WDR70: variants seen among roughly 807,000 people sequenced by gnomAD.
WDR70 encodes WD repeat-containing protein 70.
A neutral mutation model predicts 88.6 loss-of-function variants in WDR70; 53 were observed. The observed-to-expected ratio is 0.60, with a 90% confidence interval of 0.48 to 0.75. The LOEUF is 0.75. WDR70 is among the 30% of genes least tolerant of loss of function. The pLI, the probability that WDR70 is intolerant of heterozygous loss-of-function variation, is 0.00. For missense variants in WDR70, 610 were observed against 823.2 expected (o/e 0.74, Z 3.17); for synonymous variants, 280 against 270.0 (o/e 1.04, Z -0.36).
intron 8 of WDR70, among the ~76,000 whole-genome samples, chr5:37,511,594 T>C (rs2112244264): frequency 6.6e-6 from 1 of 152,332 alleles, no homozygotes; most frequent in East Asian, 1.9e-4. Flanking sequence ...TGCTGGAATA[T>C]ATTACTTCTA....
intron 5 of WDR70, among the ~76,000 whole-genome samples, chr5:37,408,540 C>A (rs543455924): frequency 3.1e-4 from 47 of 152,182 alleles, no homozygotes; most frequent in African/African-American, 1.1e-3. Flanking sequence ...AACTTTGTAT[C>A]TTTGTTTAAC....
At chr5:37,432,260 G>A (rs1012236450) in intron 5 of WDR70, among the ~76,000 whole-genome samples, 2 of 151,396 alleles carry the variant, frequency 1.3e-5, no homozygotes, top group African/African-American at 4.9e-5. Flanking sequence ...TGATCCTAGT[G>A]TGAAGTGATA....
chr5:37,483,925 G>A (rs1739764712), intron 8 of WDR70, among the ~76,000 whole-genome samples: 2 of 151,666 alleles, frequency 1.3e-5, no homozygotes, highest in Non-Finnish European at 1.5e-5. Context: ...CGGGGTCGCG[G>A]CCGGGCAGAG....
At chr5:37,748,828 C>T (rs189322485) in intron 17 of WDR70, among the ~76,000 whole-genome samples, 99 of 152,262 alleles carry the variant, frequency 6.5e-4, no homozygotes, top group Non-Finnish European at 1.0e-3. Flanking sequence ...AAAAAGAAGT[C>T]GTTTATGCGG....
chr5:37,694,098 T>G (rs966425961), intron 10 of WDR70, among the ~76,000 whole-genome samples: 2 of 152,138 alleles, frequency 1.3e-5, no homozygotes, highest in African/African-American at 4.8e-5. Context: ...CATGAAAAAA[T>G]GCTCATCGTC....
chr5:37,617,143 G>A (rs187614442), intron 10 of WDR70, among the ~76,000 whole-genome samples: 84 of 152,220 alleles, frequency 5.5e-4, no homozygotes, highest in Non-Finnish European at 1.1e-3. Context: ...TGTGAATTAA[G>A]TACTACCATT....
chr5:37,424,987 T>C (rs1750077462), intron 5 of WDR70, among the ~76,000 whole-genome samples: 1 of 152,208 alleles, frequency 6.6e-6, no homozygotes, highest in African/African-American at 2.4e-5. Flanking sequence ...CTCACGCCTG[T>C]AATCCCAGCA....
chr5:37,389,434 G>A (rs1748741156), intron 3 of WDR70, among the ~76,000 whole-genome samples: 3 of 150,734 alleles, frequency 2.0e-5, no homozygotes, highest in Non-Finnish European at 3.0e-5. Context: ...TTTTTGAGAC[G>A]GAGTCTTGCT....
chr5:37,435,839 G>A (rs1251823799), intron 5 of WDR70, among the ~76,000 whole-genome samples: 1 of 152,010 alleles, frequency 6.6e-6, no homozygotes, highest in Non-Finnish European at 1.5e-5. Flanking sequence ...TAGACAGTGG[G>A]CCATTTATTC....
chr5:37,461,324 T>A (rs1171014480), intron 7 of WDR70, among the ~76,000 whole-genome samples: 1 of 152,092 alleles, frequency 6.6e-6, no homozygotes, highest in Non-Finnish European at 1.5e-5. Flanking sequence ...GCTGAAAAGA[T>A]TCTTCTTGTA....
At chr5:37,722,146 T>G (rs1747839849) in intron 14 of WDR70, 1 of 152,216 alleles carries the variant, frequency 6.6e-6, no homozygotes, top group Non-Finnish European at 1.5e-5. Flanking sequence ...TTTTATTTGT[T>G]TTTTAAAAAA....
rs374431593 is a variant in WDR70 at position 37,379,605 on chromosome 5, G to C, written c.91+51G>C. The C allele has an allele frequency of 7.3e-5, 116 of 1,597,126 alleles. No individual in the cohort carries two copies. The African/African-American group carries it at 1.4e-3, about 20-fold the overall frequency. On this transcript the variant is annotated intron_variant, in intron 2 of 17. Transcript: ENST00000265107. ...CCTCTTCCTTGTGCAGAGGTTTGAA[G>C]ATCCGCAGAGTGGGAGTGGAGATCG... is the stretch of plus-strand genomic sequence containing the variant.
intron 9 of WDR70, among the ~76,000 whole-genome samples, chr5:37,599,761 C>T (rs762447339): frequency 3.9e-5 from 6 of 151,976 alleles, no homozygotes; most frequent in East Asian, 1.9e-4. Context: ...GGCGTGGTGG[C>T]GCGTGCCTGT....
rs936587589 is a variant in WDR70, at chr5:37,736,833, A to G, written c.1877+9788A>G. On this transcript the variant is annotated intron_variant, in intron 17 of 17. Coordinates refer to ENST00000265107, the MANE Select transcript of WDR70 (RefSeq NM_018034.4). ...ATTATTCTGTAATAGTACAAAAGTA[A>G]TTATGAAAACAAGCAACAAATTATT... Among the ~76,000 whole-genome samples the G allele has an allele frequency of 5.3e-5, 8 of 152,054 alleles. No homozygotes were observed. In the East Asian group the frequency reaches 1.2e-3, roughly 22 times the overall value.
intron 12 of WDR70, 54 bp downstream of exon 12, chr5:37,701,196 C>G (rs1747152235): frequency 1.7e-6 from 2 of 1,149,328 alleles, no homozygotes; most frequent in East Asian, 2.4e-5. Flanking sequence ...AAAAGAAGTA[C>G]TTTTACTTTA....
chr5:37,616,865 GC>G lies in WDR70; in HGVS notation c.1092+11628del, dbSNP rs924644446. On this transcript the variant is annotated intron_variant, in intron 10 of 17. Transcript: ENST00000265107. ...TCTTAAATGGGTTTGGTTTTCAATT[GC>G]TTTATTGTTGTTTTTAAATTTTAAA... is the stretch of plus-strand genomic sequence containing the variant. Among the ~76,000 whole-genome samples, 8 of 152,168 alleles carry G rather than the reference GC, an allele frequency of 5.3e-5. 1 individual carries two copies. Among genetic ancestry groups the G allele is most frequent in the Admixed American group, 4.6e-4 (7 of 15,288 alleles).
intron 8 of WDR70, among the ~76,000 whole-genome samples, chr5:37,489,005 T>C (rs1166199008): frequency 6.6e-6 from 1 of 152,224 alleles, no homozygotes; most frequent in Non-Finnish European, 1.5e-5. Flanking sequence ...CGCTTCAGCA[T>C]TGATTCTGGA....
intron 8 of WDR70, among the ~76,000 whole-genome samples, chr5:37,509,755 A>G (rs1426082267): frequency 1.3e-5 from 2 of 150,502 alleles, no homozygotes; most frequent in Non-Finnish European, 3.0e-5. Context: ...TCGTTTTTCA[A>G]CAGGCTTTTC....
At chr5:37,567,937 C>T (rs1053162096) in intron 9 of WDR70, among the ~76,000 whole-genome samples, 1 of 152,128 alleles carries the variant, frequency 6.6e-6, no homozygotes, top group African/African-American at 2.4e-5. Flanking sequence ...AGTAATATCA[C>T]TTGGATTTGA....
Sources: gnomAD v4.1 joint callset for allele counts (sites outside exome capture counted in the v4.1 genomes callset) on GRCh38, gnomAD v4.1.1 for gene constraint, MANE v1.5 for transcripts, NCBI Gene and HGNC (gene_info 2026-07-23, HGNC 2026-07-21) for gene names.